Variants in RASGRF2 observed in about 807,000 individuals in gnomAD.
RASGRF2 encodes the protein Ras protein specific guanine nucleotide releasing factor 2.
A neutral mutation model predicts 151.0 loss-of-function variants in RASGRF2; 76 were observed. The observed-to-expected ratio is 0.50, with a 90% CI of 0.42 to 0.61. The LOEUF (loss-of-function observed/expected upper bound fraction) is 0.61. Among genes scored for constraint, RASGRF2 ranks in the 20% least tolerant of loss-of-function variants. The pLI is 0.00. For synonymous variants in RASGRF2, 504 were observed against 566.5 expected (o/e 0.89, Z 1.57); for missense variants, 1,148 against 1,564.6 (o/e 0.73, Z 4.49).
At chr5:81,036,027 A>G (rs1750479309) in intron 1 of RASGRF2, among the ~76,000 whole-genome samples, 1 of 152,232 alleles carries the variant, frequency 6.6e-6, no homozygotes, top group South Asian at 2.1e-4. Flanking sequence ...AGACATTTTT[A>G]GAATTACCAT....
In RASGRF2 at chr5:80,995,222, C is replaced by G. The variant is rs1748802481; in HGVS notation, c.288+34196C>G. Among the ~76,000 whole-genome samples, 6 of 147,258 alleles carry G rather than the reference C, an allele frequency of 4.1e-5. No individual in the cohort carries two copies. In the South Asian group the frequency reaches 1.1e-3, roughly 26 times the overall value. On this transcript the variant is annotated intron_variant, in intron 1 of 26. Coordinates refer to ENST00000265080, the MANE Select transcript of RASGRF2 (RefSeq NM_006909.3). ...AGTGAGCCGAGATCGCGCCACTGCC[C>G]TCCAGCCTGGGCGATAGAGCCAGAC... is the stretch of plus-strand genomic sequence containing the variant.
At chr5:81,017,605 A>T (rs1004259237) in intron 1 of RASGRF2, among the ~76,000 whole-genome samples, 1 of 152,226 alleles carries the variant, frequency 6.6e-6, no homozygotes, top group Non-Finnish European at 1.5e-5. Context: ...ATAAAGAATG[A>T]ACTTTAACGT....
At chr5:81,032,625 G>T (rs942282666) in intron 1 of RASGRF2, among the ~76,000 whole-genome samples, 106 of 152,086 alleles carry the variant, frequency 7.0e-4, no homozygotes, top group African/African-American at 2.5e-3. Flanking sequence ...CTCAATAAAC[G>T]AGGTATTGAT....
At chr5:81,187,794 G>A (rs1755064111) in intron 18 of RASGRF2, among the ~76,000 whole-genome samples, 1 of 152,204 alleles carries the variant, frequency 6.6e-6, no homozygotes, top group Admixed American at 6.5e-5. Context: ...GAATGTGAGT[G>A]GACATAGTTC....
intron 9 of RASGRF2, among the ~76,000 whole-genome samples, chr5:81,089,643 T>A (rs890659647): frequency 6.6e-6 from 1 of 152,196 alleles, no homozygotes; most frequent in Admixed American, 6.5e-5. Flanking sequence ...AATGTGTGAG[T>A]GTCTGAGGCA....
intron 12 of RASGRF2, among the ~76,000 whole-genome samples, chr5:81,103,267 G>A (rs1752751519): frequency 6.6e-6 from 1 of 151,604 alleles, no homozygotes; most frequent in Non-Finnish European, 1.5e-5. Flanking sequence ...TAGGTATGTG[G>A]TTCTATACCT....
intron 1 of RASGRF2, among the ~76,000 whole-genome samples, chr5:80,974,009 T>G (rs34994): frequency 0.71 from 107,305 of 152,038 alleles, 38,203 homozygotes; most frequent in African/African-American, 0.8. Context: ...GGAGCAGTAG[T>G]GGGTAATGCT....
intron 9 of RASGRF2, among the ~76,000 whole-genome samples, chr5:81,088,745 T>TA (rs1380793772): frequency 6.6e-6 from 1 of 152,184 alleles, no homozygotes; most frequent in Admixed American, 6.5e-5. Flanking sequence ...ACTATATTGC[T>TA]AAAAAACGTA....
Position 81,087,073 on chromosome 5 carries a change from C to CG in RASGRF2, c.1390+120_1390+121insG. The CG allele has an allele frequency of 4.3e-6, 4 of 935,386 alleles. No homozygotes were observed. In the East Asian group the frequency reaches 7.2e-5, roughly 17 times the overall value. 57.9% of individuals were successfully genotyped at this position (935,386 alleles called of 1,614,324 possible). On this transcript the variant is annotated intron_variant, in intron 9 of 26. Transcript: ENST00000265080. ...GGGTGCGGTGCCCGAAGGACCCCCC[C>CG]ACGGCCTTCGCCGAGGCGGTGGTTG... is the stretch of plus-strand genomic sequence containing the variant.
chr5:81,003,496 T>G (rs139105298), intron 1 of RASGRF2, among the ~76,000 whole-genome samples: 2 of 152,172 alleles, frequency 1.3e-5, no homozygotes, highest in South Asian at 2.1e-4. Context: ...GTGCTGGGAT[T>G]ACAGGCGTGA....
chr5:81,129,730 CAG>C (rs2112577498), intron 17 of RASGRF2, among the ~76,000 whole-genome samples: 1 of 152,304 alleles, frequency 6.6e-6, no homozygotes, highest in South Asian at 2.1e-4. Flanking sequence ...AGGCTTTCAG[CAG>C]AGTTATTGTC....
chr5:81,058,735 C>T lies in RASGRF2; in HGVS notation c.396-9297C>T, dbSNP rs201178628. 2.4e-4 allele frequency among the ~76,000 whole-genome samples: 34 copies of T among 138,784 alleles called. No homozygotes were observed. The East Asian group carries it at 4.7e-3, about 19-fold the overall frequency. The allele number at this position is 138,784 out of a possible 152,430, so 91.0% of individuals were successfully genotyped here. On this transcript the variant is annotated intron_variant, in intron 2 of 26. Coordinates refer to ENST00000265080, the MANE Select transcript of RASGRF2 (RefSeq NM_006909.3). ...AGAGGGTTGTTTGAGCCTGAGAGGC[C>T]GCTGTACTCCAGCCTGGGCAACAGA...
intron 9 of RASGRF2, 126 bp downstream of exon 9, chr5:81,087,079 C>T (rs1418352203): frequency 1.1e-6 from 1 of 876,900 alleles, no homozygotes; most frequent in Non-Finnish European, 1.9e-6. Flanking sequence ...CCCCCACGGC[C>T]TTCGCCGAGG....
At chr5:80,976,540 C>G (rs1038899543) in intron 1 of RASGRF2, among the ~76,000 whole-genome samples, 5 of 152,208 alleles carry the variant, frequency 3.3e-5, no homozygotes, top group African/African-American at 1.2e-4. Context: ...TCTATAATCT[C>G]TATGTGCTGG....
chr5:80,995,255 CA>C lies in RASGRF2; in HGVS notation c.288+34247del, dbSNP rs11369891. On this transcript the variant is annotated intron_variant, in intron 1 of 26. Transcript: ENST00000265080. Reference sequence around the variant, plus strand: ...TGGGCGATAGAGCCAGACTCCGTCTCAAAAAAAAAAAAAAAAAAGTTTACTT... The same window carrying C: ...TGGGCGATAGAGCCAGACTCCGTCTCAAAAAAAAAAAAAAAAAGTTTACTT... 9.0e-4 allele frequency among the ~76,000 whole-genome samples: 106 copies of C among 118,072 alleles called. No individual in the cohort carries two copies. In the East Asian group the frequency reaches 0.018, roughly 20 times the overall value. The allele number at this position is 118,072 out of a possible 152,430, so 77.5% of individuals were successfully genotyped here. A position where few individuals can be genotyped will look rare whatever the true frequency, so the allele number is the denominator to read the frequency against.
chr5:81,149,003 TAATA>T (rs1490384501), intron 17 of RASGRF2, among the ~76,000 whole-genome samples: 3 of 151,890 alleles, frequency 2.0e-5, no homozygotes, highest in Non-Finnish European at 4.4e-5. Context: ...AATTAAAAAA[TAATA>T]AATGCAGTGA....
chr5:81,011,665 T>C (rs1372858020), intron 1 of RASGRF2, among the ~76,000 whole-genome samples: 3 of 151,658 alleles, frequency 2.0e-5, no homozygotes, highest in Non-Finnish European at 4.4e-5. Context: ...TGCTTGAACC[T>C]GGGAGGCGGA....
chr5:81,072,043 G>T lies in RASGRF2; in HGVS notation c.634-1156G>T, dbSNP rs186485673. ...ACCAATTTTTGTACTTGTTAAATAG[G>T]TTTTGAGATTAATTTTTTGTTCTTT... is the stretch of plus-strand genomic sequence containing the variant. On this transcript the variant is annotated intron_variant, in intron 4 of 26. Transcript: ENST00000265080. Among the ~76,000 whole-genome samples the T allele has an allele frequency of 2.1e-3, 322 of 152,012 alleles. 2 individuals are homozygous for T. Among genetic ancestry groups the T allele is most frequent in the African/African-American group, 7.2e-3 (299 of 41,468 alleles).
chr5:81,197,833 G>C (rs1278716402), intron 18 of RASGRF2, among the ~76,000 whole-genome samples: 1 of 152,184 alleles, frequency 6.6e-6, no homozygotes, highest in Non-Finnish European at 1.5e-5. Flanking sequence ...ATCCTCAAAA[G>C]CAGGACTTTG....
Sources: gnomAD v4.1 joint callset for allele counts (sites outside exome capture counted in the v4.1 genomes callset) on GRCh38, gnomAD v4.1.1 for gene constraint, MANE v1.5 for transcripts, NCBI Gene and HGNC (gene_info 2026-07-23, HGNC 2026-07-21) for gene names.